SEC31B: variants seen among roughly 807,000 people sequenced by gnomAD.
SEC31B encodes SEC31 homolog B, COPII component, also known as protein transport protein Sec31B.
SEC31B carries 113 observed loss-of-function variants against 135.0 expected under a neutral mutation model. That is an observed-to-expected ratio of 0.84 (90% CI 0.72 to 0.98). SEC31B has a LOEUF of 0.98. Ranked by LOEUF, SEC31B falls within the 50% of genes least tolerant of loss-of-function variation. SEC31B has a pLI of 0.00. For synonymous variants in SEC31B, 508 were observed against 549.4 expected (o/e 0.92, Z 1.05); for missense variants, 1,296 against 1,421.1 (o/e 0.91, Z 1.42).
In SEC31B at chr10:100,499,258, C is replaced by A; in HGVS notation, c.1486G>T (p.Val496Leu). 21 of 1,610,412 alleles carry A rather than the reference C, an allele frequency of 1.3e-5. No homozygotes were observed. The highest frequency in any genetic ancestry group is 1.8e-5 in the Non-Finnish European group (21 of 1,178,044). The change falls in exon 13 of 26, where the codon GTG becomes TTG. Residue 496 changes from valine (V) to leucine (L), a missense_variant and splice_region_variant. Physicochemically the swap from Val to Leu is conservative, Grantham distance 32 (BLOSUM62 1). Transcript: ENST00000370345. ...GYSKDELQKK[V>L]ATWLKSDVGL... ...ACGTCACTCTTCAACCATGTGGCCA[C>A]CTGCAGGGAGAGACCTCTGAAAACC...
intron 11 of SEC31B, among the ~76,000 whole-genome samples, chr10:100,501,288 G>C (rs1851519468): frequency 6.6e-6 from 1 of 151,916 alleles, no homozygotes; most frequent in South Asian, 2.1e-4. Flanking sequence ...CTGTCCTATA[G>C]GTCCCTCTGT....
intron 3 of SEC31B, 102 bp from the exon 4 acceptor site, chr10:100,509,613 C>T (rs1029285309): frequency 3.3e-6 from 3 of 916,512 alleles, no homozygotes; most frequent in East Asian, 2.7e-5. Flanking sequence ...GGCAGCCCCA[C>T]CCCTAGCTGG....
intron 11 of SEC31B, among the ~76,000 whole-genome samples, chr10:100,500,410 G>A (rs969688335): frequency 2.0e-5 from 3 of 152,028 alleles, no homozygotes; most frequent in African/African-American, 7.3e-5. Flanking sequence ...CACCCTCAGG[G>A]TTCAAGTGAT....
chr10:100,509,291 T>C (rs751834277), intron 4 of SEC31B, 25 bp downstream of exon 4: 17 of 1,607,472 alleles, frequency 1.1e-5, no homozygotes, highest in Admixed American at 5.0e-5. Flanking sequence ...GGCTTGGCCA[T>C]GTTTGACTAA....
Position 100,496,268 on chromosome 10 carries a change from T to G in SEC31B, c.2300A>C (p.Asp767Ala), listed in dbSNP as rs2133678656. The G allele has an allele frequency of 6.2e-7, 1 of 1,614,102 alleles. No homozygotes were observed. The highest frequency in any genetic ancestry group is 2.2e-5 in the East Asian group (1 of 44,870). Residue 767 changes from aspartate to alanine, a missense_variant, in exon 18 of 26, where the codon GAC becomes GCC. Transcript: ENST00000370345. ...LATAMSFLPR[D>A]CAQPPVQQLR... ...CATGGCCCCACTTACCTGAGCACAG[T>G]CCCTGGGTAGAAAGCTCATGGCAGT...
chr10:100,507,439 C>T lies in SEC31B; in HGVS notation c.768G>A (p.Leu256=). Residue 256 remains leucine (L), a synonymous_variant, in exon 7 of 26, where the codon CTG becomes CTA. Coordinates refer to ENST00000370345, the MANE Select transcript of SEC31B (RefSeq NM_015490.4). ...TGAGATGCTACCTGCTGTGGCTCTC[C>T]AGCACCTTCAAGGGCGAGGAGGCAA... ...LRFASSPLKV[L]ESHSRGILSV... 1 of 1,614,210 alleles carries T rather than the reference C, an allele frequency of 6.2e-7. No individual in the cohort carries two copies. Among genetic ancestry groups the T allele is most frequent in the Non-Finnish European group, 8.5e-7 (1 of 1,180,040 alleles).
chr10:100,497,412 T>C (rs1350216030), intron 16 of SEC31B, 132 bp from the exon 17 acceptor site: 2 of 1,507,098 alleles, frequency 1.3e-6, no homozygotes, highest in African/African-American at 1.4e-5. Flanking sequence ...GAGACTCACC[T>C]TGCTGTACAG....
At chr10:100,517,549 A>C (rs906108854) in intron 1 of SEC31B, among the ~76,000 whole-genome samples, 1 of 152,058 alleles carries the variant, frequency 6.6e-6, no homozygotes, top group Non-Finnish European at 1.5e-5. Flanking sequence ...TTTAGTAGAG[A>C]CGTAGTTTTA....
In SEC31B at chr10:100,497,158, C is replaced by T. The variant is rs754002522; in HGVS notation, c.2113G>A (p.Ala705Thr). ...LVECWAKCHQ[A>T]LSPMALQDLM... Reference sequence around the variant, plus strand: ...ACCTGCAGAGCCATGGGGGACAAAGCCTGGTGGCATTTTGCCCAGCACTCC... The same window carrying T: ...ACCTGCAGAGCCATGGGGGACAAAGTCTGGTGGCATTTTGCCCAGCACTCC... The change falls in exon 17 of 26, where the codon GCT becomes ACT. Residue 705 changes from alanine to threonine, a missense_variant. Physicochemically the swap from Ala to Thr is moderately conservative, Grantham distance 58 (BLOSUM62 0). Coordinates refer to ENST00000370345, the MANE Select transcript of SEC31B (RefSeq NM_015490.4). The T allele has an allele frequency of 1.9e-6, 3 of 1,614,068 alleles. No individual in the cohort carries two copies. The highest frequency in any genetic ancestry group is 2.7e-5 in the African/African-American group (2 of 74,924).
chr10:100,499,109 G>A (rs751508382), intron 13 of SEC31B, 51 bp downstream of exon 13: 1 of 1,468,338 alleles, frequency 6.8e-7, no homozygotes, highest in Non-Finnish European at 9.5e-7. Context: ...ATGCCCAAAA[G>A]GCAGGTTTCC....
At chr10:100,499,918 G>C (rs1253646823) in intron 11 of SEC31B, among the ~76,000 whole-genome samples, 1 of 152,214 alleles carries the variant, frequency 6.6e-6, no homozygotes, top group Non-Finnish European at 1.5e-5. Context: ...TTGGTAACTT[G>C]CATCTGGACT....
chr10:100,515,476 T>C (rs892670382), intron 3 of SEC31B, among the ~76,000 whole-genome samples: 9 of 152,194 alleles, frequency 5.9e-5, no homozygotes, highest in African/African-American at 2.2e-4. Flanking sequence ...AAGGTAGGCT[T>C]TGGACACAGA....
intron 11 of SEC31B, among the ~76,000 whole-genome samples, 192 bp downstream of exon 11, chr10:100,502,062 C>G (rs972527350): frequency 6.6e-6 from 1 of 152,180 alleles, no homozygotes. Flanking sequence ...TCCCAAATGG[C>G]CTTTGAGCCT....
intron 3 of SEC31B, among the ~76,000 whole-genome samples, chr10:100,514,000 C>A (rs1851780916): frequency 6.6e-6 from 1 of 151,560 alleles, no homozygotes; most frequent in Admixed American, 6.6e-5. Context: ...GCCTGGCCAA[C>A]ATGGTGAAAC....
rs112995799 is a variant in SEC31B, at chr10:100,495,521, C to T, written c.2336G>A (p.Arg779Gln). Reference sequence around the variant, plus strand: ...AGCAGAACCTTGAGCATGAAAAAGCCGATCTCTTAGCTGCTGAACTGGTGG... The same window carrying T: ...AGCAGAACCTTGAGCATGAAAAAGCTGATCTCTTAGCTGCTGAACTGGTGG... ...AQPPVQQLRDRLFHAQGSAVL... is the reference protein window; with the variant it reads ...AQPPVQQLRDQLFHAQGSAVL... Residue 779 changes from arginine to glutamine, a missense_variant, in exon 19 of 26, where the codon CGG (arginine) becomes CAG (glutamine). Physicochemically the swap from Arg to Gln is conservative, Grantham distance 43 (BLOSUM62 1). Coordinates refer to ENST00000370345, the MANE Select transcript of SEC31B (RefSeq NM_015490.4). The T allele has an allele frequency of 1.2e-5, 20 of 1,613,634 alleles. No individual in the cohort carries two copies. In the African/African-American group the frequency reaches 1.5e-4, roughly 12 times the overall value.
chr10:100,500,241 G>A, intron 11 of SEC31B: 1 of 456,214 alleles, frequency 2.2e-6, no homozygotes, highest in Non-Finnish European at 4.4e-6. Flanking sequence ...ACCCTGCTGT[G>A]GTCCCTATCC....
At chr10:100,491,047 G>A (rs1305457861) in intron 19 of SEC31B, among the ~76,000 whole-genome samples, 164 bp from the exon 20 acceptor site, 2 of 152,066 alleles carry the variant, frequency 1.3e-5, no homozygotes, top group Admixed American at 6.6e-5. Flanking sequence ...TAAAAAGCAA[G>A]AAGATATAAA....
chr10:100,508,286 T>G (rs1851670872), intron 5 of SEC31B, among the ~76,000 whole-genome samples: 1 of 151,898 alleles, frequency 6.6e-6, no homozygotes, highest in Non-Finnish European at 1.5e-5. Context: ...CTACCCAAGG[T>G]TTTACTAAGA....
intron 1 of SEC31B, among the ~76,000 whole-genome samples, chr10:100,519,229 C>T (rs185360985): frequency 3.0e-4 from 46 of 152,336 alleles, no homozygotes; most frequent in Admixed American, 2.5e-3. Flanking sequence ...GCTCTTAATT[C>T]ACATTGTTAA....
Sources: allele counts gnomAD v4.1 joint callset (sites outside exome capture counted in the v4.1 genomes callset), GRCh38; gene constraint gnomAD v4.1.1; transcripts MANE v1.5; gene names NCBI Gene and HGNC (gene_info 2026-07-23, HGNC 2026-07-21).